The following TBC1D2 variants were observed in gnomAD, a reference collection of about 807,000 sequenced individuals.
TBC1D2 encodes the protein TBC1 domain family member 2A.
Under a neutral mutation model 91.1 loss-of-function variants are expected in TBC1D2, and 58 were observed. That is an observed-to-expected ratio of 0.64 (90% CI 0.52 to 0.79). TBC1D2 has a LOEUF of 0.79. Ranked by LOEUF, TBC1D2 falls within the 30% of genes least tolerant of loss-of-function variation. TBC1D2 has a pLI of 0.00. For missense variants in TBC1D2, 1,080 were observed against 1,208.3 expected, an observed-to-expected ratio of 0.89 and a Z score of 1.57; for synonymous variants, 482 against 511.5, an observed-to-expected ratio of 0.94 and a Z score of 0.78.
At chr9:98,205,246 G>T (rs1009279285) in intron 9 of TBC1D2, among the ~76,000 whole-genome samples, 5 of 152,190 alleles carry the variant, frequency 3.3e-5, no homozygotes, top group Non-Finnish European at 4.4e-5. Context: ...GGAGTTAGCT[G>T]CCAGCATTGG....
At chr9:98,231,933 G>A (rs772550089) in intron 4 of TBC1D2, among the ~76,000 whole-genome samples, 3 of 152,166 alleles carry the variant, frequency 2.0e-5, no homozygotes, top group African/African-American at 4.8e-5. Flanking sequence ...AGCAGATGTC[G>A]AGAACAGGCA....
chr9:98,216,125 C>G (rs1330261580), intron 6 of TBC1D2, among the ~76,000 whole-genome samples: 2 of 152,242 alleles, frequency 1.3e-5, no homozygotes, highest in African/African-American at 4.8e-5. Flanking sequence ...TACTTAACCT[C>G]ATCCTCTCAT....
At chr9:98,201,039 GAAAT>G (rs1828483864) in intron 11 of TBC1D2, among the ~76,000 whole-genome samples, 1 of 151,236 alleles carries the variant, frequency 6.6e-6, no homozygotes, top group African/African-American at 2.4e-5. Context: ...AAGAAAGAAA[GAAAT>G]GAGAAATCTG....
chr9:98,212,533 G>T (rs1828872383), intron 7 of TBC1D2, among the ~76,000 whole-genome samples: 2 of 148,544 alleles, frequency 1.3e-5, no homozygotes, highest in African/African-American at 5.0e-5. Context: ...ACAGAGTCTT[G>T]CTCTGTTGCC....
At chr9:98,241,673 GC>G (rs2131275723) in intron 3 of TBC1D2, among the ~76,000 whole-genome samples, 1 of 152,274 alleles carries the variant, frequency 6.6e-6, no homozygotes, top group Admixed American at 6.5e-5. Context: ...TGGTGAGACT[GC>G]CCTGGGTGCA....
At chr9:98,223,995 C>T (rs771913551) in intron 5 of TBC1D2, among the ~76,000 whole-genome samples, 10 of 152,026 alleles carry the variant, frequency 6.6e-5, no homozygotes, top group South Asian at 2.1e-4. Context: ...GTCAGGAGAT[C>T]GAGACCATCC....
intron 4 of TBC1D2, among the ~76,000 whole-genome samples, chr9:98,230,862 C>A (rs951912582): frequency 1.3e-5 from 2 of 152,194 alleles, no homozygotes; most frequent in African/African-American, 4.8e-5. Context: ...GCCTGGGCAA[C>A]AGAGCGAGAC....
In TBC1D2 at chr9:98,247,728, C is replaced by CA. The variant is rs58713846; in HGVS notation, c.512-3600dup. On this transcript the variant is annotated intron_variant, in intron 2 of 12. Transcript: ENST00000465784. ...TGGGTGACAGAGCGAGACTCCGTCT[C>CA]AAAAAAAAAAAAAAAAAAAAAAGCC... 9.7e-3 allele frequency among the ~76,000 whole-genome samples: 681 copies of CA among 69,986 alleles called. 4 individuals carry two copies. The highest frequency in any genetic ancestry group is 0.028 in the East Asian group (58 of 2,070). The allele number at this position is 69,986 out of a possible 152,430, so 45.9% of individuals were successfully genotyped here.
intron 7 of TBC1D2, among the ~76,000 whole-genome samples, chr9:98,211,810 T>C (rs531643994): frequency 2.6e-5 from 4 of 151,678 alleles, no homozygotes; most frequent in Admixed American, 2.0e-4. Context: ...CTTTTTTTTT[T>C]TTTTCCTGAG....
Position 98,255,564 on chromosome 9 carries a change from A to C in TBC1D2, c.-23T>G. The C allele has an allele frequency of 1.3e-6, 2 of 1,489,774 alleles. No homozygotes were observed. Among genetic ancestry groups the C allele is most frequent in the Non-Finnish European group, 1.8e-6 (2 of 1,123,488 alleles). 92.3% of individuals were successfully genotyped at this position (1,489,774 alleles called of 1,614,324 possible). On this transcript the variant is annotated 5_prime_UTR_variant, in exon 1 of 13. Transcript: ENST00000465784. ...CATCGCTGCCAGCCGGAGACTGCGG[A>C]GGGACGAGGGGTCCGCGGGACCACC...
chr9:98,230,777 C>T (rs558648993), intron 4 of TBC1D2, among the ~76,000 whole-genome samples: 2 of 152,218 alleles, frequency 1.3e-5, no homozygotes, highest in Admixed American at 6.5e-5. Context: ...ACTAAAAATA[C>T]AAAAATTAGC....
intron 8 of TBC1D2, among the ~76,000 whole-genome samples, chr9:98,209,736 T>TC (rs869097404): frequency 1.0e-3 from 153 of 147,618 alleles, no homozygotes; most frequent in South Asian, 1.1e-3. Context: ...CTTCCTTCCT[T>TC]CTTTCCTTTC....
intron 6 of TBC1D2, among the ~76,000 whole-genome samples, chr9:98,217,716 AT>A (rs756446106): frequency 2.7e-5 from 4 of 149,460 alleles, no homozygotes; most frequent in South Asian, 2.1e-4. Flanking sequence ...TCTCTTTTTT[AT>A]TTTTTTTTTA....
chr9:98,250,585 G>C (rs566297121), intron 2 of TBC1D2, among the ~76,000 whole-genome samples: 1 of 152,246 alleles, frequency 6.6e-6, no homozygotes, highest in South Asian at 2.1e-4. Flanking sequence ...GGGTACAAGA[G>C]GGGAAATCTA....
intron 3 of TBC1D2, among the ~76,000 whole-genome samples, chr9:98,233,888 G>A (rs1829437897): frequency 6.6e-6 from 1 of 152,176 alleles, no homozygotes; most frequent in Admixed American, 6.5e-5. Context: ...ATGCCTAAAC[G>A]GTGCCCAAAA....
At chr9:98,255,099 C>T (rs1235935936) in intron 1 of TBC1D2, 74 bp downstream of exon 1, 4 of 1,526,822 alleles carry the variant, frequency 2.6e-6, no homozygotes, top group African/African-American at 2.8e-5. Flanking sequence ...CCACCTCACA[C>T]TCGCGCCCAG....
intron 4 of TBC1D2, among the ~76,000 whole-genome samples, chr9:98,230,238 T>C (rs1439531252): frequency 7.0e-6 from 1 of 143,114 alleles, no homozygotes; most frequent in Non-Finnish European, 1.6e-5. Flanking sequence ...AAAGCTTTGC[T>C]TCTTATAAGA....
chr9:98,237,083 T>C (rs1221127371), intron 3 of TBC1D2, among the ~76,000 whole-genome samples: 2 of 152,158 alleles, frequency 1.3e-5, no homozygotes, highest in Non-Finnish European at 2.9e-5. Context: ...ACGCCTGTAA[T>C]CTCAGCACCT....
intron 7 of TBC1D2, among the ~76,000 whole-genome samples, chr9:98,212,158 C>G (rs1828860024): frequency 6.6e-6 from 1 of 152,168 alleles, no homozygotes; most frequent in Admixed American, 6.5e-5. Context: ...CCCACCTTCT[C>G]AAGCCCACCC....
Sources: gnomAD v4.1 joint callset for allele counts (sites outside exome capture counted in the v4.1 genomes callset) on GRCh38, gnomAD v4.1.1 for gene constraint, MANE v1.5 for transcripts, NCBI Gene and HGNC (gene_info 2026-07-23, HGNC 2026-07-21) for gene names.